The following AGBL2 variants were observed in gnomAD, a reference collection of about 807,000 sequenced individuals.
The protein encoded by AGBL2 is cytosolic carboxypeptidase 2.
AGBL2 carries 87 observed loss-of-function variants against 103.0 expected under a neutral mutation model. The observed-to-expected ratio is 0.84, with a 90% CI of 0.71 to 1.01. AGBL2 has a LOEUF of 1.01. AGBL2 is among the 50% of genes least tolerant of loss of function. The pLI, the probability that AGBL2 is intolerant of heterozygous loss-of-function variation, is 0.00. For synonymous variants in AGBL2, 335 were observed against 356.7 expected, an observed-to-expected ratio of 0.94 and a Z score of 0.69; for missense variants, 904 against 1,023.5, an observed-to-expected ratio of 0.88 and a Z score of 1.59.
chr11:47,688,950 G>A (rs1455580260), intron 10 of AGBL2, among the ~76,000 whole-genome samples: 2 of 152,042 alleles, frequency 1.3e-5, no homozygotes, highest in Non-Finnish European at 2.9e-5. Flanking sequence ...TGGCCAGGCT[G>A]GTCTCAAACT....
intron 7 of AGBL2, among the ~76,000 whole-genome samples, chr11:47,704,139 G>C (rs2097508805): frequency 6.6e-6 from 1 of 151,708 alleles, no homozygotes; most frequent in Non-Finnish European, 1.5e-5. Context: ...ACTCTGTCCT[G>C]CCTTATACTT....
intron 15 of AGBL2, 63 bp downstream of exon 15, chr11:47,668,778 G>T: frequency 7.8e-7 from 1 of 1,277,070 alleles, no homozygotes; most frequent in Non-Finnish European, 1.1e-6. Context: ...CCAACAAATT[G>T]TCTGGTAGTG....
intron 4 of AGBL2, among the ~76,000 whole-genome samples, chr11:47,709,290 A>C (rs917384095): frequency 2.0e-5 from 3 of 150,040 alleles, no homozygotes; most frequent in African/African-American, 7.3e-5. Flanking sequence ...CAGGAGACCA[A>C]TTAGGAGGCT....
In AGBL2 at chr11:47,705,654, A is replaced by G. The variant is rs757535017; in HGVS notation, c.287-20T>C. The G allele has an allele frequency of 1.6e-5, 9 of 579,392 alleles. 1 individual carries two copies. The highest frequency in any genetic ancestry group is 1.1e-4 in the South Asian group (5 of 46,618). The allele number at this position is 579,392 out of a possible 1,614,324, so 35.9% of individuals were successfully genotyped here. On this transcript the variant is annotated intron_variant, in intron 5 of 18. Coordinates refer to ENST00000525123, the MANE Select transcript of AGBL2 (RefSeq NM_024783.4). ...GAAAGTCTGTGTCAAAAAAAAAAAA[A>G]AAAGAAAAAGAAAAAGAAGAAAGGG...
chr11:47,692,899 G>A (rs140515467), intron 8 of AGBL2, among the ~76,000 whole-genome samples: 1 of 151,564 alleles, frequency 6.6e-6, no homozygotes, highest in African/African-American at 2.4e-5. Context: ...GTTCACTGCA[G>A]CCTCTACCTT....
chr11:47,690,011 G>A, intron 10 of AGBL2, 65 bp downstream of exon 10: 1 of 1,403,080 alleles, frequency 7.1e-7, no homozygotes, highest in South Asian at 1.4e-5. Flanking sequence ...TACCCCATCA[G>A]GTAGGGATAT....
chr11:47,713,880 T>G (rs1049895772), intron 3 of AGBL2, among the ~76,000 whole-genome samples: 1 of 151,994 alleles, frequency 6.6e-6, no homozygotes, highest in Non-Finnish European at 1.5e-5. Flanking sequence ...TGAGCCACCG[T>G]GCCCGGCCGC....
chr11:47,690,187 A>G lies in AGBL2; in HGVS notation c.1520T>C (p.Ile507Thr). 6.2e-7 allele frequency: 1 copy of G among 1,614,148 alleles called. No individual in the cohort carries two copies. Among genetic ancestry groups the G allele is most frequent in the Non-Finnish European group, 8.5e-7 (1 of 1,180,024 alleles). Residue 507 changes from isoleucine (I) to threonine (T), a missense_variant, in exon 10 of 19, where the codon ATT becomes ACT. Coordinates refer to ENST00000525123, the MANE Select transcript of AGBL2 (RefSeq NM_024783.4). The part of the protein sequence containing the change: ...VLPMLNPDGV[I>T]VGNYRCSLAG... ...CAAGGAACACCGATAATTCCCCACAATCACACCATCTGGATTTAACATGGG... is the reference window on the plus strand; with the variant it reads ...CAAGGAACACCGATAATTCCCCACAGTCACACCATCTGGATTTAACATGGG...
At chr11:47,700,535 C>G (rs1599059272) in intron 7 of AGBL2, among the ~76,000 whole-genome samples, 1 of 152,174 alleles carries the variant, frequency 6.6e-6, no homozygotes, top group African/African-American at 2.4e-5. Flanking sequence ...ACCGAGATCA[C>G]GCCACTGCGT....
intron 8 of AGBL2, among the ~76,000 whole-genome samples, chr11:47,696,010 C>CAAAAAAAAAAAAAAAA (rs1171058500): frequency 8.3e-3 from 142 of 17,162 alleles, no homozygotes; most frequent in South Asian, 0.014. Flanking sequence ...ACTAAAAATA[C>CAAAAAAAAAAAAAAAA]AAAAAAAAAA....
chr11:47,677,394 TGA>T lies in AGBL2; in HGVS notation c.2022_2023del (p.Gln675ValfsTer6), dbSNP rs2097379737. The T allele has an allele frequency of 5.9e-6, 9 of 1,533,084 alleles. No homozygotes were observed. The highest frequency in any genetic ancestry group is 5.6e-5 in the African/African-American group (4 of 71,818). 95.0% of individuals were successfully genotyped at this position (1,533,084 alleles called of 1,614,324 possible). A position where few individuals can be genotyped will look rare whatever the true frequency, so the allele number is the denominator to read the frequency against. On this transcript the variant is annotated frameshift_variant, in exon 14 of 19. Transcript: ENST00000525123. LOFTEE classifies it high-confidence loss of function. ...AAGCTCCTTAAGCTCTGCTAGACAC[TGA>T]GTGAACTATGAAAGTGAAAAAAAGA...
intron 18 of AGBL2, 120 bp downstream of exon 18, chr11:47,662,906 G>T: frequency 1.2e-6 from 1 of 845,074 alleles, no homozygotes; most frequent in South Asian, 1.5e-5. Context: ...TGCGCAGAAC[G>T]AATCCGAGAA....
Position 47,690,136 on chromosome 11 carries a change from T to C in AGBL2, c.1571A>G (p.Tyr524Cys). 6.2e-7 allele frequency: 1 copy of C among 1,614,090 alleles called. No homozygotes were observed. The highest frequency in any genetic ancestry group is 8.5e-7 in the Non-Finnish European group (1 of 1,179,994). Reference protein sequence around the residue: ...SLAGRDLNRHYKTILKESFPC... With the variant: ...SLAGRDLNRHCKTILKESFPC... ...GAAAGACTCCTTCAGAATGGTTTTA[T>C]AATGCCTGTTCAAATCCCTTCCGGC... Residue 524 changes from tyrosine to cysteine, a missense_variant, in exon 10 of 19, where the codon TAT becomes TGT. Coordinates refer to ENST00000525123, the MANE Select transcript of AGBL2 (RefSeq NM_024783.4).
Position 47,700,060 on chromosome 11 carries a change from C to T in AGBL2, c.587-507G>A, listed in dbSNP as rs192253574. Among the ~76,000 whole-genome samples the T allele has an allele frequency of 2.8e-3, 422 of 152,028 alleles. 3 individuals carry two copies. The highest frequency in any genetic ancestry group is 0.021 in the South Asian group (103 of 4,816). On this transcript the variant is annotated intron_variant, in intron 7 of 18. Transcript: ENST00000525123. ...GCAACCTCCGCCTCCCGGGTTCAAGCGATTCTCTCGCCTCAGCCTCCTGAG... is the reference window on the plus strand; with the variant it reads ...GCAACCTCCGCCTCCCGGGTTCAAGTGATTCTCTCGCCTCAGCCTCCTGAG...
chr11:47,714,928 T>A (rs993973477), intron 1 of AGBL2, 178 bp from the exon 2 acceptor site: 1 of 485,064 alleles, frequency 2.1e-6, no homozygotes, highest in African/African-American at 2.0e-5. Flanking sequence ...TCCCGCTTCT[T>A]CTTCCCAAGG....
At chr11:47,705,037 T>G (rs1303644787) in intron 6 of AGBL2, 2 of 202,564 alleles carry the variant, frequency 9.9e-6, no homozygotes, top group African/African-American at 4.6e-5. Flanking sequence ...AATAAGAAGT[T>G]ACTTAATATG....
intron 4 of AGBL2, among the ~76,000 whole-genome samples, chr11:47,708,693 A>C (rs1355485950): frequency 6.6e-6 from 1 of 151,832 alleles, no homozygotes; most frequent in African/African-American, 2.4e-5. Flanking sequence ...GCGTGCCTGT[A>C]GTCCCAGCTA....
intron 18 of AGBL2, 110 bp from the exon 19 acceptor site, chr11:47,660,456 T>C: frequency 1.0e-6 from 1 of 960,326 alleles, no homozygotes. Flanking sequence ...ATATTTGCAT[T>C]TCTTCCCCAA....
chr11:47,709,145 T>C (rs1360747076), intron 4 of AGBL2, among the ~76,000 whole-genome samples: 2 of 152,104 alleles, frequency 1.3e-5, no homozygotes, highest in Non-Finnish European at 1.5e-5. Flanking sequence ...AACAATATTG[T>C]ATTTTACGGT....
Sources: allele counts gnomAD v4.1 joint callset (sites outside exome capture counted in the v4.1 genomes callset), GRCh38; gene constraint gnomAD v4.1.1; transcripts MANE v1.5; gene names NCBI Gene and HGNC (gene_info 2026-07-23, HGNC 2026-07-21).